Variants in KLRD1 observed in about 807,000 individuals in gnomAD.
KLRD1 encodes killer cell lectin like receptor D1.
KLRD1 carries 21 observed loss-of-function variants against 22.6 expected under a neutral mutation model. The observed-to-expected ratio is 0.93, with a 90% CI of 0.66 to 1.34. The LOEUF is 1.34. Among genes scored for constraint, KLRD1 ranks in the 40% most tolerant of loss-of-function variants. The pLI is 0.00. For missense variants in KLRD1, 183 were observed against 208.6 expected (o/e 0.88, Z 0.76); for synonymous variants, 59 against 71.1 (o/e 0.83, Z 0.85).
upstream of KLRD1, among the ~76,000 whole-genome samples, chr12:10,306,948 T>C (rs1383611505): frequency 6.6e-6 from 1 of 152,198 alleles, no homozygotes; most frequent in African/African-American, 2.4e-5. Flanking sequence ...ATAAACAATA[T>C]ACAAAATATA....
At chr12:10,299,270 G>A (rs1225244340) in intron 1 of KLRD1, among the ~76,000 whole-genome samples, 2 of 151,870 alleles carry the variant, frequency 1.3e-5, no homozygotes, top group Non-Finnish European at 2.9e-5. Context: ...AGGAACAGAG[G>A]TATCTAGATG....
intron 1 of KLRD1, among the ~76,000 whole-genome samples, chr12:10,286,784 C>T (rs996177917): frequency 7.0e-6 from 1 of 141,936 alleles, no homozygotes; most frequent in Non-Finnish European, 1.5e-5. Context: ...GTTGGAATTA[C>T]AGGCATGAGC....
chr12:10,329,202 A>C lies in KLRD1; in HGVS notation c.*14409A>C, dbSNP rs1324233205. Reference sequence around the variant, plus strand: ...TACTACATCCCATAAGTTTTGTTAGACTTTATTTTTGTTTTCATTTATTCT... The same window carrying C: ...TACTACATCCCATAAGTTTTGTTAGCCTTTATTTTTGTTTTCATTTATTCT... On this transcript the variant is annotated 3_prime_UTR_variant, in exon 6 of 6. Coordinates refer to ENST00000336164, the MANE Select transcript of KLRD1 (RefSeq NM_002262.5). 3 of 152,122 alleles carry C rather than the reference A, an allele frequency of 2.0e-5. No individual in the cohort carries two copies. In the South Asian group the frequency reaches 6.2e-4, roughly 32 times the overall value. The allele number at this position is 152,122 out of a possible 1,614,324, so 9.4% of individuals were successfully genotyped here. A position where few individuals can be genotyped will look rare whatever the true frequency, so the allele number is the denominator to read the frequency against.
At chr12:10,264,305 A>G (rs940611416) in intron 1 of KLRD1, among the ~76,000 whole-genome samples, 2 of 152,232 alleles carry the variant, frequency 1.3e-5, no homozygotes, top group Non-Finnish European at 2.9e-5. Flanking sequence ...TACTAGGACA[A>G]AGTTTGATAA....
chr12:10,297,993 T>C (rs1949836781), intron 1 of KLRD1, among the ~76,000 whole-genome samples: 1 of 152,250 alleles, frequency 6.6e-6, no homozygotes, highest in Non-Finnish European at 1.5e-5. Context: ...CAGAAAACAC[T>C]TTCTCCAAAT....
intron 1 of KLRD1, among the ~76,000 whole-genome samples, chr12:10,264,880 C>T (rs1949485445): frequency 6.6e-6 from 1 of 151,974 alleles, no homozygotes; most frequent in Non-Finnish European, 1.5e-5. Context: ...CTCTGGAAAC[C>T]ACCATTCTAC....
chr12:10,282,040 CTAGTTT>C (rs1188034665), intron 1 of KLRD1, among the ~76,000 whole-genome samples: 11 of 152,094 alleles, frequency 7.2e-5, no homozygotes, highest in African/African-American at 2.7e-4. Context: ...CTAATCTCTT[CTAGTTT>C]TAATCTTCTG....
chr12:10,312,959 C>A (rs1236320420), intron 4 of KLRD1, among the ~76,000 whole-genome samples: 1 of 151,612 alleles, frequency 6.6e-6, no homozygotes, highest in Admixed American at 6.6e-5. Flanking sequence ...TGCACTCCAG[C>A]CTGGGCGACA....
At chr12:10,261,564 C>G (rs915347423) in intron 1 of KLRD1, among the ~76,000 whole-genome samples, 1 of 152,000 alleles carries the variant, frequency 6.6e-6, no homozygotes, top group Non-Finnish European at 1.5e-5. Context: ...GGTAGAAAAA[C>G]GTAAATCTGC....
intron 1 of KLRD1, among the ~76,000 whole-genome samples, chr12:10,273,011 C>G (rs1452886465): frequency 6.6e-6 from 1 of 152,068 alleles, no homozygotes; most frequent in Non-Finnish European, 1.5e-5. Context: ...AATATTTATG[C>G]TCATTGTAGA....
chr12:10,286,662 CTTTTTTTTTTTT>C (rs747241701), intron 1 of KLRD1, among the ~76,000 whole-genome samples: 7 of 54,798 alleles, frequency 1.3e-4, no homozygotes, highest in African/African-American at 5.4e-4. Flanking sequence ...GCTTATGGTG[CTTTTTTTTTTTT>C]TTTTTTTTTT....
chr12:10,285,781 C>G (rs1344496036), intron 1 of KLRD1, among the ~76,000 whole-genome samples: 1 of 152,112 alleles, frequency 6.6e-6, no homozygotes, highest in Non-Finnish European at 1.5e-5. Context: ...TGACTCTTTC[C>G]TATTCCCTCC....
chr12:10,279,817 A>T (rs551067344), intron 1 of KLRD1, among the ~76,000 whole-genome samples: 1 of 152,122 alleles, frequency 6.6e-6, no homozygotes, highest in Non-Finnish European at 1.5e-5. Context: ...TCCAACAAAA[A>T]ATCCTTTTAT....
chr12:10,314,589 A>G (rs1950179254), intron 5 of KLRD1, 84 bp from the exon 6 acceptor site: 3 of 1,299,256 alleles, frequency 2.3e-6, no homozygotes, highest in Non-Finnish European at 3.1e-6. Flanking sequence ...AAATGCTTTT[A>G]AAATTTATAT....
chr12:10,311,349 A>C (rs1950064548), intron 3 of KLRD1, 115 bp from the exon 4 acceptor site: 1 of 931,220 alleles, frequency 1.1e-6, no homozygotes, highest in Non-Finnish European at 1.6e-6. Flanking sequence ...TGGTGTATAC[A>C]GTAGATTCTG....
intron 1 of KLRD1, among the ~76,000 whole-genome samples, chr12:10,255,657 A>C (rs142100546): frequency 6.6e-6 from 1 of 152,100 alleles, no homozygotes; most frequent in Non-Finnish European, 1.5e-5. Context: ...TACTTCTGTT[A>C]CTGAATTCTA....
At chr12:10,296,207 G>C (rs1029311259) in intron 1 of KLRD1, among the ~76,000 whole-genome samples, 1 of 152,096 alleles carries the variant, frequency 6.6e-6, no homozygotes, top group Non-Finnish European at 1.5e-5. Flanking sequence ...GATATCATGA[G>C]GTAGAATCTC....
chr12:10,288,069 A>G (rs1371617920), intron 1 of KLRD1, among the ~76,000 whole-genome samples: 2 of 141,902 alleles, frequency 1.4e-5, no homozygotes, highest in Non-Finnish European at 3.0e-5. Flanking sequence ...CTCTGTCTCA[A>G]AAAAAAAAAA....
At chr12:10,239,481 C>T (rs1459371645) in intron 1 of KLRD1, among the ~76,000 whole-genome samples, 1 of 81,244 alleles carries the variant, frequency 1.2e-5, no homozygotes, top group Non-Finnish European at 2.4e-5. Flanking sequence ...TTCCTTCCTT[C>T]CTTCTTCCTT....
Sources: gnomAD v4.1 joint callset for allele counts (sites outside exome capture counted in the v4.1 genomes callset) on GRCh38, gnomAD v4.1.1 for gene constraint, MANE v1.5 for transcripts, NCBI Gene and HGNC (gene_info 2026-07-23, HGNC 2026-07-21) for gene names.